Variants in TACC3 observed in about 807,000 individuals in gnomAD.
TACC3 encodes transforming acidic coiled-coil containing protein 3.
Under a neutral mutation model 86.0 loss-of-function variants are expected in TACC3, and 52 were observed. The ratio of observed to expected loss-of-function variants is 0.60; its 90% CI spans 0.48 to 0.76. The LOEUF (loss-of-function observed/expected upper bound fraction) is 0.76. TACC3 is among the 30% of genes least tolerant of loss of function. The pLI, the probability that TACC3 is intolerant of heterozygous loss-of-function variation, is 0.00. For synonymous variants in TACC3, 512 were observed against 430.0 expected, an observed-to-expected ratio of 1.19 and a Z score of -2.36; for missense variants, 1,120 against 1,070.4, an observed-to-expected ratio of 1.05 and a Z score of -0.65.
intron 3 of TACC3, among the ~76,000 whole-genome samples, chr4:1,726,681 C>T (rs1490775545): frequency 2.0e-5 from 3 of 152,190 alleles, no homozygotes; most frequent in Non-Finnish European, 2.9e-5. Flanking sequence ...GACTTACAGG[C>T]CCACAGCAGG....
chr4:1,739,466 C>T, intron 10 of TACC3: 1 of 575,556 alleles, frequency 1.7e-6, no homozygotes, highest in Admixed American at 3.1e-5. Context: ...CTGGTTCCAC[C>T]CAGGAGCACA....
Position 1,737,615 on chromosome 4 carries a change from A to C in TACC3, c.1854A>C (p.Pro618=). 1 of 1,521,516 alleles carries C rather than the reference A, an allele frequency of 6.6e-7. No homozygotes were observed. Among genetic ancestry groups the C allele is most frequent in the Non-Finnish European group, 8.8e-7 (1 of 1,129,946 alleles). 94.3% of individuals were successfully genotyped at this position (1,521,516 alleles called of 1,614,324 possible). The change falls in exon 10 of 16, where the codon CCA becomes CCC. Residue 618 remains proline (P), a synonymous_variant. Transcript: ENST00000313288. ...ALDIPVPGPP[P]GVPAPGGPPL... is the part of the protein sequence containing the mutation. ...TCCCGCAGGTGCCAGGCCCACCCCCAGGTGTTCCCGCGCCTGGGGGCCCAC... is the reference window on the plus strand; with the variant it reads ...TCCCGCAGGTGCCAGGCCCACCCCCCGGTGTTCCCGCGCCTGGGGGCCCAC...
At chr4:1,722,165 G>A (rs532810951) in intron 1 of TACC3, among the ~76,000 whole-genome samples, 12 of 152,288 alleles carry the variant, frequency 7.9e-5, no homozygotes, top group African/African-American at 2.9e-4. Flanking sequence ...GCACCAGCCT[G>A]GGGCCGGTCC....
chr4:1,744,766 C>T lies in TACC3; in HGVS notation c.2385C>T (p.Ala795=), dbSNP rs760942064. 1 of 1,612,790 alleles carries T rather than the reference C, an allele frequency of 6.2e-7. No individual in the cohort carries two copies. The highest frequency in any genetic ancestry group is 8.5e-7 in the Non-Finnish European group (1 of 1,180,010). Residue 795 remains alanine, a synonymous_variant, in exon 15 of 16, where the codon GCC becomes GCT. Transcript: ENST00000313288. ...VRSKAQAEAL[A]LQASLRKEQM... ...GCAAGGCCCAGGCGGAAGCGTTGGCCCTCCAGGCCAGCCTGAGGAAGGAGC... is the reference window on the plus strand; with the variant it reads ...GCAAGGCCCAGGCGGAAGCGTTGGCTCTCCAGGCCAGCCTGAGGAAGGAGC...
At chr4:1,738,311 G>A in intron 10 of TACC3, 1 of 227,486 alleles carries the variant, frequency 4.4e-6, no homozygotes, top group Non-Finnish European at 9.0e-6. Flanking sequence ...GCAGGGCTGG[G>A]TTCAAGCCCC....
chr4:1,744,657 A>G (rs1376617540), intron 14 of TACC3, 33 bp downstream of exon 14: 7 of 1,612,128 alleles, frequency 4.3e-6, no homozygotes, highest in Non-Finnish European at 5.9e-6. Context: ...CCCTGGAGGG[A>G]GAATCTGAGC....
intron 3 of TACC3, 86 bp downstream of exon 3, chr4:1,723,956 G>A: frequency 1.4e-6 from 2 of 1,463,380 alleles, no homozygotes; most frequent in Admixed American, 2.0e-5. Flanking sequence ...TGTTCTATCA[G>A]GCCTTGGCTG....
chr4:1,724,659 G>A lies in TACC3; in HGVS notation c.305+789G>A, dbSNP rs113496479. ...TCCTGGTGGCAGCTCTTTACTCTGC[G>A]GCTGAACTAATCTGTCTGGGCACCC... On this transcript the variant is annotated intron_variant, in intron 3 of 15. Coordinates refer to ENST00000313288, the MANE Select transcript of TACC3 (RefSeq NM_006342.3). Among the ~76,000 whole-genome samples, 789 of 152,160 alleles carry A rather than the reference G, an allele frequency of 5.2e-3. 8 individuals are homozygous for A. The highest frequency in any genetic ancestry group is 0.034 in the Middle Eastern group (10 of 294).
rs763476598 is a variant in TACC3, at chr4:1,744,981, G to A, written c.2485G>A (p.Asp829Asn). The A allele has an allele frequency of 7.4e-6, 12 of 1,611,032 alleles. No individual in the cohort carries two copies. Among genetic ancestry groups the A allele is most frequent in the East Asian group, 2.2e-5 (1 of 44,840 alleles). The stretch of plus-strand genomic sequence containing the variant: ...GAACGAGGAGCTGACCAGGATCTGC[G>A]ACGACCTCATCTCCAAGATGGAGAA... The part of the protein sequence containing the change: ...KENEELTRIC[D>N]DLISKMEKI Residue 829 changes from aspartate to asparagine, a missense_variant, in exon 16 of 16, where the codon GAC (aspartate) becomes AAC (asparagine). Asp to Asn is a conservative substitution (Grantham distance 23). Coordinates refer to ENST00000313288, the MANE Select transcript of TACC3 (RefSeq NM_006342.3).
chr4:1,723,208 CT>C (rs1717504907), intron 1 of TACC3: 1 of 595,266 alleles, frequency 1.7e-6, no homozygotes, highest in East Asian at 2.9e-5. Context: ...ATGGCTCCCC[CT>C]GCCAGGCTGG....
chr4:1,740,264 G>A (rs1156374080), intron 12 of TACC3: 4 of 572,692 alleles, frequency 7.0e-6, no homozygotes, highest in Non-Finnish European at 9.3e-6. Flanking sequence ...CAGTGGGGCT[G>A]TGGTGGGAGC....
intron 3 of TACC3, among the ~76,000 whole-genome samples, chr4:1,725,307 C>T (rs574310755): frequency 2.0e-5 from 3 of 152,110 alleles, no homozygotes; most frequent in African/African-American, 7.2e-5. Context: ...TGCTTCTCAC[C>T]CCCTGAGATA....
rs1718459833 is a variant in TACC3, at chr4:1,739,524, A to T, written c.1942-178A>T. On this transcript the variant is annotated intron_variant, in intron 10 of 15. Coordinates refer to ENST00000313288, the MANE Select transcript of TACC3 (RefSeq NM_006342.3). The stretch of plus-strand genomic sequence containing the variant: ...CCCCCTGGCAGTCGGGTGCACGTGG[A>T]GCAGGTGGCCTTGGCCTCGACAGGG... 5 of 610,252 alleles carry T rather than the reference A, an allele frequency of 8.2e-6. No homozygotes were observed. The South Asian group carries it at 1.0e-4, about 12-fold the overall frequency. The allele number at this position is 610,252 out of a possible 1,614,324, so 37.8% of individuals were successfully genotyped here.
chr4:1,726,706 G>A (rs957951484), intron 3 of TACC3, among the ~76,000 whole-genome samples: 5 of 152,242 alleles, frequency 3.3e-5, no homozygotes, highest in Non-Finnish European at 5.9e-5. Context: ...AGGCCACACA[G>A]AGGACTGGGG....
At position 1,735,777 on chromosome 4, in the gene TACC3, A is replaced by AC; in HGVS notation, c.1696dup (p.Leu566ProfsTer8). The stretch of plus-strand genomic sequence containing the variant: ...AAGCAGTCCTTATACCTCAAGTTCG[A>AC]CCCCCTCCTGAGGGACAGTCCTGGT... On this transcript the variant is annotated frameshift_variant, in exon 8 of 16. Coordinates refer to ENST00000313288, the MANE Select transcript of TACC3 (RefSeq NM_006342.3). LOFTEE classifies it high-confidence loss of function. The surrounding 1 kb of genome is among the most constrained non-coding windows in gnomAD (Gnocchi z 4.2). 1 of 1,607,220 alleles carries AC rather than the reference A, an allele frequency of 6.2e-7. No individual in the cohort carries two copies. The highest frequency in any genetic ancestry group is 8.5e-7 in the Non-Finnish European group (1 of 1,177,336).
intron 1 of TACC3, 68 bp from the exon 2 acceptor site, chr4:1,723,353 C>G (rs1246987634): frequency 2.6e-6 from 4 of 1,537,664 alleles, no homozygotes; most frequent in African/African-American, 1.4e-5. Flanking sequence ...CAGCAGCTGT[C>G]ACGTCTGTGT....
chr4:1,732,898 A>G (rs568360816), intron 6 of TACC3, among the ~76,000 whole-genome samples: 9 of 152,168 alleles, frequency 5.9e-5, no homozygotes, highest in Admixed American at 2.0e-4. Flanking sequence ...GCTGCCTCGA[A>G]TGTTCAGGTG....
At chr4:1,725,106 ATTT>A (rs1717622184) in intron 3 of TACC3, among the ~76,000 whole-genome samples, 1 of 151,352 alleles carries the variant, frequency 6.6e-6, no homozygotes, top group Non-Finnish European at 1.5e-5. Flanking sequence ...AATTTTGTGT[ATTT>A]TTAGTAAATA....
At chr4:1,741,080 G>T in intron 13 of TACC3, 94 bp downstream of exon 13, 1 of 1,338,794 alleles carries the variant, frequency 7.5e-7, no homozygotes, top group Admixed American at 2.4e-5. Flanking sequence ...TTGCACCTTG[G>T]TCCTTGGCCA....
Sources: allele counts gnomAD v4.1 joint callset (sites outside exome capture counted in the v4.1 genomes callset), GRCh38; gene constraint gnomAD v4.1.1; non-coding constraint Gnocchi (gnomAD v3.1); transcripts MANE v1.5; gene names NCBI Gene and HGNC (gene_info 2026-07-23, HGNC 2026-07-21).